The following LIMS1 variants were observed in gnomAD, a reference collection of about 807,000 sequenced individuals.
The protein encoded by LIMS1 is LIM zinc finger domain containing 1.
Under a neutral mutation model 44.1 loss-of-function variants are expected in LIMS1, and 18 were observed. The ratio of observed to expected loss-of-function variants is 0.41; its 90% CI spans 0.28 to 0.61. LIMS1 has a LOEUF of 0.61. Among genes scored for constraint, LIMS1 ranks in the 20% least tolerant of loss-of-function variants. The probability of loss-of-function intolerance (pLI) is 0.32; values close to 1 mark genes in which losing one functional copy is unlikely to be tolerated. For synonymous variants in LIMS1, 93 were observed against 149.1 expected (o/e 0.62, Z 2.74); for missense variants, 201 against 422.0 (o/e 0.48, Z 4.59).
intron 3 of LIMS1, chr2:108,671,098 G>C (rs1233127152): frequency 4.2e-6 from 2 of 470,594 alleles, no homozygotes; most frequent in South Asian, 2.1e-5. Context: ...TCGAACCCAG[G>C]GGGCAGAGGT....
At chr2:108,622,651 G>A (rs1404996893) in intron 1 of LIMS1, among the ~76,000 whole-genome samples, 1 of 152,082 alleles carries the variant, frequency 6.6e-6, no homozygotes, top group Non-Finnish European at 1.5e-5. Context: ...TTGTTAAGAA[G>A]TTTGTATGTG....
At chr2:108,614,337 A>G (rs1687819822) in intron 1 of LIMS1, among the ~76,000 whole-genome samples, 1 of 152,112 alleles carries the variant, frequency 6.6e-6, no homozygotes, top group Non-Finnish European at 1.5e-5. Context: ...CCAACCAGAG[A>G]TGTCCTGGTA....
rs142202334 is a variant in LIMS1 at position 108,631,396 on chromosome 2, A to G, written c.33-28209A>G. Among the ~76,000 whole-genome samples the G allele has an allele frequency of 1.8e-3, 272 of 152,310 alleles. 1 individual carries two copies. The highest frequency in any genetic ancestry group is 6.8e-3 in the Middle Eastern group (2 of 294). ...GGAGCTTTGAGTTTCTCCCTTTGCT[A>G]GTTGAATATGATCTGTAAAAGAAGT... On this transcript the variant is annotated intron_variant, in intron 1 of 9. Transcript: ENST00000544547.
At chr2:108,549,343 G>A (rs559596938) in intron 1 of LIMS1, among the ~76,000 whole-genome samples, 5 of 122,342 alleles carry the variant, frequency 4.1e-5, no homozygotes, top group Admixed American at 1.1e-4. Flanking sequence ...CGCCCAGGCT[G>A]GAGTGTAGTG....
chr2:108,644,152 G>A (rs1185009122), intron 1 of LIMS1, among the ~76,000 whole-genome samples: 2 of 152,186 alleles, frequency 1.3e-5, no homozygotes, highest in Non-Finnish European at 2.9e-5. Flanking sequence ...CAGCGTTCAA[G>A]CTCTGATAAG....
chr2:108,612,029 T>TATATATAC (rs1687677834), intron 1 of LIMS1, among the ~76,000 whole-genome samples: 1 of 79,950 alleles, frequency 1.3e-5, no homozygotes, highest in South Asian at 5.0e-4. Context: ...CACACACATA[T>TATATATAC]ACACACACAC....
chr2:108,677,931 A>G, intron 7 of LIMS1, 48 bp from the exon 8 acceptor site: 1 of 1,550,232 alleles, frequency 6.5e-7, no homozygotes, highest in Non-Finnish European at 8.7e-7. Flanking sequence ...TCAGTGTTCT[A>G]AAAATTCTAA....
intron 1 of LIMS1, among the ~76,000 whole-genome samples, chr2:108,574,783 C>T (rs1280926725): frequency 6.6e-6 from 1 of 152,088 alleles, no homozygotes; most frequent in East Asian, 1.9e-4. Flanking sequence ...TTTTCCTGTC[C>T]CTGATTGCTG....
intron 1 of LIMS1, among the ~76,000 whole-genome samples, chr2:108,544,357 C>A (rs1230950509): frequency 6.6e-6 from 1 of 152,126 alleles, no homozygotes; most frequent in African/African-American, 2.4e-5. Context: ...ATTGCTCAGC[C>A]TCATCCCATA....
intron 1 of LIMS1, among the ~76,000 whole-genome samples, chr2:108,631,240 T>C (rs185136190): frequency 1.1e-4 from 17 of 152,324 alleles, no homozygotes; most frequent in Admixed American, 3.3e-4. Flanking sequence ...CTTCCTAGTT[T>C]TGAGTGTAAA....
intron 1 of LIMS1, among the ~76,000 whole-genome samples, chr2:108,571,084 C>T (rs949467409): frequency 6.6e-6 from 1 of 152,026 alleles, no homozygotes; most frequent in African/African-American, 2.4e-5. Context: ...GATATTATTA[C>T]GTATACTGTT....
At chr2:108,634,763 A>G (rs1689121575) in intron 1 of LIMS1, among the ~76,000 whole-genome samples, 1 of 152,246 alleles carries the variant, frequency 6.6e-6, no homozygotes, top group African/African-American at 2.4e-5. Context: ...ACAGGAAAGC[A>G]TGTGGAGCAC....
intron 1 of LIMS1, among the ~76,000 whole-genome samples, chr2:108,569,043 C>T (rs1685392148): frequency 6.6e-6 from 1 of 152,132 alleles, no homozygotes; most frequent in African/African-American, 2.4e-5. Context: ...AGGCACGCAC[C>T]ACCATGCCCA....
chr2:108,674,733 A>T (rs1353603765), intron 5 of LIMS1, among the ~76,000 whole-genome samples: 1 of 146,988 alleles, frequency 6.8e-6, no homozygotes, highest in Non-Finnish European at 1.5e-5. Flanking sequence ...AAAAAAAAAA[A>T]AAAAAGAGAA....
intron 1 of LIMS1, among the ~76,000 whole-genome samples, chr2:108,578,093 T>C (rs958300601): frequency 2.6e-5 from 4 of 152,188 alleles, no homozygotes; most frequent in Non-Finnish European, 5.9e-5. Flanking sequence ...TATTTTTTAG[T>C]AGAGATGGGG....
chr2:108,650,604 G>C lies in LIMS1; in HGVS notation c.33-9001G>C, dbSNP rs1191833274. Among the ~76,000 whole-genome samples the C allele has an allele frequency of 2.0e-5, 3 of 151,898 alleles. No homozygotes were observed. The South Asian group carries it at 6.2e-4, about 31-fold the overall frequency. On this transcript the variant is annotated intron_variant, in intron 1 of 9. Coordinates refer to ENST00000544547, the Ensembl canonical transcript of LIMS1. ...GCTAATGTTTTGTGTTTTTAGTAGAGACAGGGTTTCATCATGTTGGCCAGG... is the reference window on the plus strand; with the variant it reads ...GCTAATGTTTTGTGTTTTTAGTAGACACAGGGTTTCATCATGTTGGCCAGG...
intron 1 of LIMS1, among the ~76,000 whole-genome samples, chr2:108,595,715 A>G (rs1274380498): frequency 2.0e-5 from 3 of 152,152 alleles, no homozygotes; most frequent in Non-Finnish European, 4.4e-5. Context: ...TGGGACTTTC[A>G]TTCTGTTCCT....
intron 8 of LIMS1, among the ~76,000 whole-genome samples, chr2:108,679,720 C>G (rs564349593): frequency 6.6e-6 from 1 of 151,048 alleles, no homozygotes. Flanking sequence ...AGTTCGATAC[C>G]AGCCTGGGCA....
chr2:108,536,334 C>T (rs1322771505), intron 1 of LIMS1, among the ~76,000 whole-genome samples: 1 of 152,244 alleles, frequency 6.6e-6, no homozygotes, highest in African/African-American at 2.4e-5. Flanking sequence ...CCCCTCCTCC[C>T]GCCAGTCCCT....
Sources: allele counts gnomAD v4.1 joint callset (sites outside exome capture counted in the v4.1 genomes callset), GRCh38; gene constraint gnomAD v4.1.1; transcripts MANE v1.5; gene names NCBI Gene and HGNC (gene_info 2026-07-23, HGNC 2026-07-21).